Variants in PCSK6 observed in about 807,000 individuals in gnomAD.
PCSK6 encodes the protein paired basic amino acid cleaving enzyme 4.
A neutral mutation model predicts 123.3 loss-of-function variants in PCSK6; 85 were observed. The ratio of observed to expected loss-of-function variants is 0.69; its 90% CI spans 0.58 to 0.83. PCSK6 has a LOEUF of 0.83. Ranked by LOEUF, PCSK6 falls within the 40% of genes least tolerant of loss-of-function variation. The probability of loss-of-function intolerance (pLI) is 0.00; values close to 1 mark genes in which losing one functional copy is unlikely to be tolerated. For missense variants in PCSK6, 1,191 were observed against 1,282.3 expected (o/e 0.93, Z 1.09); for synonymous variants, 508 against 516.0 (o/e 0.98, Z 0.21).
At chr15:101,484,797 T>C (rs2057980568) in intron 1 of PCSK6, among the ~76,000 whole-genome samples, 2 of 152,242 alleles carry the variant, frequency 1.3e-5, no homozygotes, top group South Asian at 2.1e-4. Flanking sequence ...TGTGTAGATA[T>C]AGATCTGGTT....
chr15:101,362,516 G>GA (rs1237358283), intron 13 of PCSK6, among the ~76,000 whole-genome samples: 2 of 152,204 alleles, frequency 1.3e-5, no homozygotes, highest in African/African-American at 4.8e-5. Flanking sequence ...GTATGTGCGA[G>GA]AGGATCAGCC....
rs146463065 is a variant in PCSK6, at chr15:101,454,772, C to A, written c.298-11112G>T. Reference sequence around the variant, plus strand: ...CCAGCCTGGCCAACAGCGTGAAACCCCGCCTCTACCAAAAATACAAAAATT... The same window carrying A: ...CCAGCCTGGCCAACAGCGTGAAACCACGCCTCTACCAAAAATACAAAAATT... On this transcript the variant is annotated intron_variant, in intron 1 of 21. Coordinates refer to ENST00000611716, the MANE Select transcript of PCSK6 (RefSeq NM_002570.5). Among the ~76,000 whole-genome samples the A allele has an allele frequency of 2.2e-4, 33 of 152,194 alleles. 2 individuals carry two copies. In the East Asian group the frequency reaches 5.4e-3, roughly 25 times the overall value.
chr15:101,432,658 A>G (rs1033244119), intron 2 of PCSK6, among the ~76,000 whole-genome samples: 5 of 151,840 alleles, frequency 3.3e-5, no homozygotes, highest in African/African-American at 1.2e-4. Flanking sequence ...AGAGAGAGAG[A>G]CAGAAAGACA....
At chr15:101,402,798 T>C (rs1022260836) in intron 6 of PCSK6, among the ~76,000 whole-genome samples, 7 of 152,026 alleles carry the variant, frequency 4.6e-5, no homozygotes, top group African/African-American at 1.4e-4. Flanking sequence ...TGTGGAGAAA[T>C]AGGAACACTT....
chr15:101,404,256 ATTGTAAGTTCCT>A (rs1239208711), intron 6 of PCSK6, among the ~76,000 whole-genome samples: 2 of 152,174 alleles, frequency 1.3e-5, no homozygotes, highest in Admixed American at 1.3e-4. Context: ...GCTGGCATCT[ATTGTAAGTTCCT>A]TTCCCCCTTT....
intron 13 of PCSK6, chr15:101,346,680 T>C (rs2141398538): frequency 9.5e-7 from 1 of 1,050,730 alleles, no homozygotes; most frequent in Non-Finnish European, 1.2e-6. Context: ...TGAGGGCAAA[T>C]CTGGGAAAGG....
rs1245138146 is a variant in PCSK6, at chr15:101,384,502, T to C, written c.1311-77A>G. The C allele has an allele frequency of 4.8e-6, 6 of 1,255,154 alleles. No individual in the cohort carries two copies. The South Asian group carries it at 8.5e-5, about 18-fold the overall frequency. 77.8% of individuals were successfully genotyped at this position (1,255,154 alleles called of 1,614,324 possible). On this transcript the variant is annotated intron_variant, in intron 9 of 21. Coordinates refer to ENST00000611716, the MANE Select transcript of PCSK6 (RefSeq NM_002570.5). ...ACACAGGCCACTCAGAGGCAGGGGG[T>C]CGGCAGCCAACCCACGTCTGAACTT...
At chr15:101,393,761 G>T (rs2042309801) in intron 7 of PCSK6, among the ~76,000 whole-genome samples, 1 of 152,218 alleles carries the variant, frequency 6.6e-6, no homozygotes, top group Non-Finnish European at 1.5e-5. Context: ...CATCGCAATG[G>T]CCTAGGATCA....
rs1481279857 is a variant in PCSK6 at position 101,489,410 on chromosome 15, G to A, written c.261C>T (p.Arg87=). The change falls in exon 1 of 22, where the codon CGC becomes CGT. Residue 87 remains arginine (R), a synonymous_variant. Transcript: ENST00000611716. ...QVLGGPAEAD[R]VAAAHGYLNL... ...TGAGGTACCCGTGCGCCGCCGCCACGCGGTCCGCCTCGGCCGGGCCGCCCA... is the reference window on the plus strand; with the variant it reads ...TGAGGTACCCGTGCGCCGCCGCCACACGGTCCGCCTCGGCCGGGCCGCCCA... The A allele has an allele frequency of 1.6e-6, 2 of 1,279,618 alleles. No individual in the cohort carries two copies. The highest frequency in any genetic ancestry group is 1.5e-5 in the South Asian group (1 of 66,920). The allele number at this position is 1,279,618 out of a possible 1,614,324, so 79.3% of individuals were successfully genotyped here. A position where few individuals can be genotyped will look rare whatever the true frequency, so the allele number is the denominator to read the frequency against.
At chr15:101,479,117 G>A (rs895177022) in intron 1 of PCSK6, among the ~76,000 whole-genome samples, 2 of 152,218 alleles carry the variant, frequency 1.3e-5, no homozygotes, top group East Asian at 1.9e-4. Context: ...AGCGGGGAGA[G>A]AGACACCCCG....
At chr15:101,323,417 T>C (rs913623677) in intron 17 of PCSK6, among the ~76,000 whole-genome samples, 3 of 152,212 alleles carry the variant, frequency 2.0e-5, no homozygotes, top group Non-Finnish European at 4.4e-5. Flanking sequence ...GTGTCTTGCA[T>C]GACTTTTTGT....
chr15:101,304,157 G>A lies in PCSK6; in HGVS notation c.*1101C>T, dbSNP rs981587573. 3 of 152,490 alleles carry A rather than the reference G, an allele frequency of 2.0e-5. No individual in the cohort carries two copies. The highest frequency in any genetic ancestry group is 4.4e-5 in the Non-Finnish European group (3 of 68,024). The allele number at this position is 152,490 out of a possible 1,614,324, so 9.4% of individuals were successfully genotyped here. A position where few individuals can be genotyped will look rare whatever the true frequency, so the allele number is the denominator to read the frequency against. On this transcript the variant is annotated 3_prime_UTR_variant, in exon 22 of 22. Coordinates refer to ENST00000611716, the MANE Select transcript of PCSK6 (RefSeq NM_002570.5). Reference sequence around the variant, plus strand: ...TTCCCTATTCAAGGGAATTGATCAAGCAGATCTGTGCATTTCAATGAAAAT... The same window carrying A: ...TTCCCTATTCAAGGGAATTGATCAAACAGATCTGTGCATTTCAATGAAAAT...
At chr15:101,354,919 T>A (rs1332444999) in intron 13 of PCSK6, among the ~76,000 whole-genome samples, 1 of 152,190 alleles carries the variant, frequency 6.6e-6, no homozygotes, top group Non-Finnish European at 1.5e-5. Flanking sequence ...AAACTTTAAT[T>A]CCTTATTATC....
chr15:101,416,443 G>T (rs1210513138), intron 6 of PCSK6, among the ~76,000 whole-genome samples: 1 of 152,234 alleles, frequency 6.6e-6, no homozygotes, highest in East Asian at 1.9e-4. Flanking sequence ...CAGAAAATCT[G>T]CAGCCTGATG....
At chr15:101,422,657 G>A (rs1177319645) in intron 6 of PCSK6, among the ~76,000 whole-genome samples, 1 of 149,626 alleles carries the variant, frequency 6.7e-6, no homozygotes, top group Admixed American at 6.7e-5. Flanking sequence ...GTCTCGCTCT[G>A]TCGCCCAGGC....
chr15:101,395,091 C>A (rs2042366370), intron 7 of PCSK6, among the ~76,000 whole-genome samples: 1 of 152,212 alleles, frequency 6.6e-6, no homozygotes, highest in African/African-American at 2.4e-5. Flanking sequence ...CCCATCAGAG[C>A]CTGTCCTTAT....
intron 6 of PCSK6, among the ~76,000 whole-genome samples, chr15:101,424,750 T>TGA: frequency 6.6e-6 from 1 of 152,298 alleles, no homozygotes; most frequent in South Asian, 2.1e-4. Context: ...ACAATGACAG[T>TGA]GATGGTGAAT....
At chr15:101,453,224 G>A (rs1312348135) in intron 1 of PCSK6, among the ~76,000 whole-genome samples, 1 of 152,194 alleles carries the variant, frequency 6.6e-6, no homozygotes, top group Non-Finnish European at 1.5e-5. Context: ...GACAGAAAAT[G>A]AGGTGTATTT....
intron 6 of PCSK6, among the ~76,000 whole-genome samples, chr15:101,405,541 C>T (rs2042747171): frequency 6.6e-6 from 1 of 152,178 alleles, no homozygotes; most frequent in African/African-American, 2.4e-5. Context: ...CCCACAGAAG[C>T]TCCATCCAGG....
Sources: gnomAD v4.1 joint callset for allele counts (sites outside exome capture counted in the v4.1 genomes callset) on GRCh38, gnomAD v4.1.1 for gene constraint, MANE v1.5 for transcripts, NCBI Gene and HGNC (gene_info 2026-07-23, HGNC 2026-07-21) for gene names.